The following PGPEP1L variants were observed in gnomAD, a reference collection of about 807,000 sequenced individuals.
The protein encoded by PGPEP1L is pyroglutamyl-peptidase I like.
PGPEP1L carries 7 observed loss-of-function variants against 6.0 expected under a neutral mutation model. That is an observed-to-expected ratio of 1.17 (90% CI 0.66 to 2.19). PGPEP1L has a LOEUF of 2.19. PGPEP1L is among the 30% of genes most tolerant of loss of function. PGPEP1L has a pLI of 0.00. For synonymous variants in PGPEP1L, 103 were observed against 83.9 expected (o/e 1.23, Z -1.24); for missense variants, 209 against 192.5 (o/e 1.09, Z -0.51).
At chr15:98,982,710 T>C (rs1470939734) in intron 2 of PGPEP1L, among the ~76,000 whole-genome samples, 3 of 112,982 alleles carry the variant, frequency 2.7e-5, no homozygotes, top group African/African-American at 1.2e-4. Flanking sequence ...CTTTTTTTTT[T>C]TTTTTTTTTT....
At chr15:98,980,201 A>G (rs1482074077) in intron 2 of PGPEP1L, among the ~76,000 whole-genome samples, 5 of 152,154 alleles carry the variant, frequency 3.3e-5, no homozygotes. Flanking sequence ...TAAATAAATG[A>G]AAAGTGTCCA....
chr15:98,976,028 A>G (rs2017564385), intron 2 of PGPEP1L, among the ~76,000 whole-genome samples: 1 of 152,216 alleles, frequency 6.6e-6, no homozygotes, highest in South Asian at 2.1e-4. Flanking sequence ...CCAAATTCTT[A>G]AGAGAAAGAA....
intron 1 of PGPEP1L, among the ~76,000 whole-genome samples, chr15:99,006,042 A>G (rs1471272453): frequency 6.6e-6 from 1 of 151,948 alleles, no homozygotes; most frequent in Non-Finnish European, 1.5e-5. Flanking sequence ...ATGTGAGCAG[A>G]AAAAAAAGAG....
intron 1 of PGPEP1L, among the ~76,000 whole-genome samples, chr15:99,006,770 C>A (rs1376259155): frequency 2.0e-5 from 3 of 150,764 alleles, no homozygotes; most frequent in African/African-American, 7.4e-5. Context: ...TGCACTCCAC[C>A]CTGGGTGACA....
intron 2 of PGPEP1L, among the ~76,000 whole-genome samples, chr15:98,995,640 G>A (rs1467231194): frequency 6.6e-6 from 1 of 152,178 alleles, no homozygotes; most frequent in South Asian, 2.1e-4. Context: ...AGGTTGCAGT[G>A]AGCCAAGATG....
At chr15:98,977,360 T>C (rs1205609072) in intron 2 of PGPEP1L, among the ~76,000 whole-genome samples, 1 of 152,252 alleles carries the variant, frequency 6.6e-6, no homozygotes, top group African/African-American at 2.4e-5. Context: ...TATTGTTTAG[T>C]GCCATAAATT....
intron 2 of PGPEP1L, among the ~76,000 whole-genome samples, chr15:98,982,934 CTCCTGGCCTCAAGT>C (rs2017689108): frequency 6.6e-6 from 1 of 151,962 alleles, no homozygotes; most frequent in Non-Finnish European, 1.5e-5. Context: ...TGGTCTCAAA[CTCCTGGCCTCAAGT>C]GATCCACCTG....
intron 2 of PGPEP1L, among the ~76,000 whole-genome samples, chr15:98,991,349 A>G (rs1408713426): frequency 2.0e-5 from 3 of 152,228 alleles, no homozygotes; most frequent in Admixed American, 1.3e-4. Flanking sequence ...TATAAACTAG[A>G]AAATATAGAA....
At chr15:98,969,291 G>A in intron 4 of PGPEP1L, 134 bp downstream of exon 4, 1 of 1,088,364 alleles carries the variant, frequency 9.2e-7, no homozygotes, top group East Asian at 2.5e-5. Flanking sequence ...GCAAAGAGGG[G>A]CAATCTGGGG....
intron 1 of PGPEP1L, among the ~76,000 whole-genome samples, chr15:99,006,691 CAT>C (rs1189868966): frequency 6.6e-6 from 1 of 152,140 alleles, no homozygotes; most frequent in Non-Finnish European, 1.5e-5. Flanking sequence ...GGTATATGCC[CAT>C]AGTCCTGGCT....
intron 2 of PGPEP1L, among the ~76,000 whole-genome samples, chr15:99,001,946 G>A (rs1244142087): frequency 6.6e-6 from 1 of 151,984 alleles, no homozygotes; most frequent in Non-Finnish European, 1.5e-5. Flanking sequence ...TCGAACTCCT[G>A]CCCTAAGTGA....
At chr15:98,983,229 T>C (rs559530471) in intron 2 of PGPEP1L, among the ~76,000 whole-genome samples, 1 of 152,214 alleles carries the variant, frequency 6.6e-6, no homozygotes, top group East Asian at 1.9e-4. Flanking sequence ...TACTTTCCTA[T>C]CCCTGAACAG....
In PGPEP1L at chr15:98,971,153, G is replaced by A; in HGVS notation, c.-136C>T. On this transcript the variant is annotated 5_prime_UTR_variant, in exon 3 of 5. Transcript: ENST00000535714. ...TTTCATTCCCCAGGCCCAGCTTGGA[G>A]AGCTCCTGAGGAAAGCGGCAGGTGG... The A allele has an allele frequency of 1.3e-6, 2 of 1,534,470 alleles. No homozygotes were observed. The highest frequency in any genetic ancestry group is 8.9e-7 in the Non-Finnish European group (1 of 1,129,440).
Position 98,971,124 on chromosome 15 carries a change from A to G in PGPEP1L, c.-107T>C, listed in dbSNP as rs1174074984. On this transcript the variant is annotated 5_prime_UTR_variant, in exon 3 of 5. Transcript: ENST00000535714. ...CAGCTCCAGAGTCCGCAGCTGCACC[A>G]CTGTTTCATTCCCCAGGCCCAGCTT... The G allele has an allele frequency of 1.3e-6, 2 of 1,560,788 alleles. No homozygotes were observed. Among genetic ancestry groups the G allele is most frequent in the Non-Finnish European group, 1.7e-6 (2 of 1,149,562 alleles).
intron 3 of PGPEP1L, 55 bp downstream of exon 3, chr15:98,970,981 G>A (rs1309519195): frequency 7.5e-6 from 12 of 1,604,812 alleles, no homozygotes; most frequent in Middle Eastern, 1.7e-4. Flanking sequence ...GGGGTTCAGA[G>A]GCTCCAGCTC....
chr15:99,001,759 G>A (rs531130237), intron 2 of PGPEP1L, among the ~76,000 whole-genome samples: 21 of 152,154 alleles, frequency 1.4e-4, no homozygotes, highest in African/African-American at 3.6e-4. Flanking sequence ...ACCCTGTCAC[G>A]TAGGCTGGAG....
chr15:98,984,033 T>C (rs1555471282), intron 2 of PGPEP1L, among the ~76,000 whole-genome samples: 34,794 of 133,616 alleles, frequency 0.26, 5,317 homozygotes, highest in Non-Finnish European at 0.36. Context: ...TTTTTTTTTT[T>C]CTATTTTGAG....
intron 3 of PGPEP1L, among the ~76,000 whole-genome samples, chr15:98,970,158 C>A (rs2017473050): frequency 6.6e-6 from 1 of 152,172 alleles, no homozygotes; most frequent in Admixed American, 6.5e-5. Context: ...AAGTGATTAT[C>A]CTGCCTCAGC....
intron 2 of PGPEP1L, among the ~76,000 whole-genome samples, chr15:99,001,516 G>A (rs554555309): frequency 3.9e-5 from 6 of 152,256 alleles, no homozygotes; most frequent in African/African-American, 1.4e-4. Flanking sequence ...TGACTATACT[G>A]AGCCACTGAA....
Sources: allele counts gnomAD v4.1 joint callset (sites outside exome capture counted in the v4.1 genomes callset), GRCh38; gene constraint gnomAD v4.1.1; transcripts MANE v1.5; gene names NCBI Gene and HGNC (gene_info 2026-07-23, HGNC 2026-07-21).